The following ECHDC3 variants were observed in gnomAD, a reference collection of about 807,000 sequenced individuals.
ECHDC3 encodes enoyl-CoA hydratase domain-containing protein 3, mitochondrial.
In ECHDC3, 20 loss-of-function variants were observed where a neutral mutation model predicts 17.9. The observed-to-expected ratio is 1.12, with a 90% CI of 0.79 to 1.63. The LOEUF is 1.63. ECHDC3 is among the 40% of genes most tolerant of loss of function. The pLI, the probability that ECHDC3 is intolerant of heterozygous loss-of-function variation, is 0.00. For synonymous variants in ECHDC3, 177 were observed against 149.7 expected, an observed-to-expected ratio of 1.18 and a Z score of -1.33; for missense variants, 407 against 357.7, an observed-to-expected ratio of 1.14 and a Z score of -1.11.
chr10:11,747,539 T>C (rs1211826790), intron 2 of ECHDC3, 69 bp downstream of exon 2: 1 of 1,553,350 alleles, frequency 6.4e-7, no homozygotes, highest in Non-Finnish European at 8.7e-7. Flanking sequence ...TTTAGTAAAC[T>C]GGGGCATCCC....
At chr10:11,761,334 C>T (rs145637903) in intron 4 of ECHDC3, among the ~76,000 whole-genome samples, 1 of 152,292 alleles carries the variant, frequency 6.6e-6, no homozygotes, top group Non-Finnish European at 1.5e-5. Context: ...AAGGATGCTG[C>T]AGAACATCCT....
Position 11,763,515 on chromosome 10 carries a change from A to C in ECHDC3, c.883A>C (p.Lys295Gln). Reference sequence around the variant, plus strand: ...CATCACGGCCTTCCTCCAGAAGAGAAAACCTGTCTGGTCACACGAGCCAGT... The same window carrying C: ...CATCACGGCCTTCCTCCAGAAGAGACAACCTGTCTGGTCACACGAGCCAGT... The part of the protein sequence containing the change: ...EGITAFLQKR[K>Q]PVWSHEPV The change falls in exon 5 of 5, where the codon AAA (lysine) becomes CAA (glutamine). Residue 295 changes from lysine to glutamine, a missense_variant. Lys to Gln is a moderately conservative substitution (Grantham distance 53). Transcript: ENST00000379215. The surrounding 1 kb of genome is among the most constrained non-coding windows in gnomAD (Gnocchi z 4.9). 6.9e-7 allele frequency: 1 copy of C among 1,442,600 alleles called. No individual in the cohort carries two copies. 89.4% of individuals were successfully genotyped at this position (1,442,600 alleles called of 1,614,324 possible).
chr10:11,745,290 A>T (rs1029253738), intron 1 of ECHDC3, among the ~76,000 whole-genome samples: 2 of 152,154 alleles, frequency 1.3e-5, no homozygotes, highest in Non-Finnish European at 2.9e-5. Context: ...CGGGGGCTGG[A>T]ATCTTTTTAT....
At chr10:11,744,245 T>C (rs1832730753) in intron 1 of ECHDC3, among the ~76,000 whole-genome samples, 1 of 152,192 alleles carries the variant, frequency 6.6e-6, no homozygotes, top group South Asian at 2.1e-4. Context: ...GGCCAGTAGG[T>C]CTCACCAGGG....
At position 11,763,755 on chromosome 10, in the gene ECHDC3, C is replaced by G; in HGVS notation, c.*211C>G. 1.5e-6 allele frequency: 2 copies of G among 1,362,106 alleles called. No homozygotes were observed. The highest frequency in any genetic ancestry group is 3.5e-5 in the South Asian group (2 of 57,836). The allele number at this position is 1,362,106 out of a possible 1,614,324, so 84.4% of individuals were successfully genotyped here. On this transcript the variant is annotated 3_prime_UTR_variant, in exon 5 of 5. Coordinates refer to ENST00000379215, the MANE Select transcript of ECHDC3 (RefSeq NM_024693.5). The surrounding 1 kb of genome is among the most constrained non-coding windows in gnomAD (Gnocchi z 4.9). ...CTGAGGTGCTGACCTCAGTGCAAGGCTGGTGAACCCTGCAGCGGGCCAGCT... is the reference window on the plus strand; with the variant it reads ...CTGAGGTGCTGACCTCAGTGCAAGGGTGGTGAACCCTGCAGCGGGCCAGCT...
chr10:11,747,482 A>G lies in ECHDC3; in HGVS notation c.292+12A>G. On this transcript the variant is annotated intron_variant, in intron 2 of 4. Transcript: ENST00000379215. ...CATTATCATCTCGGGTATGTATCTGATATCTGTCCTTAGTATTCTGCAGTG... is the reference window on the plus strand; with the variant it reads ...CATTATCATCTCGGGTATGTATCTGGTATCTGTCCTTAGTATTCTGCAGTG... 1 of 1,613,094 alleles carries G rather than the reference A, an allele frequency of 6.2e-7. No homozygotes were observed. Among genetic ancestry groups the G allele is most frequent in the South Asian group, 1.1e-5 (1 of 91,042 alleles).
intron 1 of ECHDC3, among the ~76,000 whole-genome samples, chr10:11,746,946 A>G (rs1057313072): frequency 6.6e-6 from 1 of 152,156 alleles, no homozygotes; most frequent in African/African-American, 2.4e-5. Flanking sequence ...CTAAGGAACA[A>G]TGGAAAGAAA....
At chr10:11,756,987 G>A (rs183013592) in intron 4 of ECHDC3, among the ~76,000 whole-genome samples, 66 of 152,220 alleles carry the variant, frequency 4.3e-4, no homozygotes, top group African/African-American at 1.5e-3. Context: ...CGTCCCCCTC[G>A]GCCTCCCAAA....
chr10:11,748,496 A>C (rs11257303), intron 2 of ECHDC3, among the ~76,000 whole-genome samples: 141,926 of 152,070 alleles, frequency 0.93, 67,076 homozygotes, highest in East Asian at 1. Flanking sequence ...GCTAATTTTT[A>C]AGGTTTTATT....
At position 11,763,660 on chromosome 10, in the gene ECHDC3, A is replaced by G; in HGVS notation, c.*116A>G. The G allele has an allele frequency of 7.0e-7, 1 of 1,433,198 alleles. No individual in the cohort carries two copies. The highest frequency in any genetic ancestry group is 9.1e-7 in the Non-Finnish European group (1 of 1,098,080). 88.8% of individuals were successfully genotyped at this position (1,433,198 alleles called of 1,614,324 possible). On this transcript the variant is annotated 3_prime_UTR_variant, in exon 5 of 5. Transcript: ENST00000379215. This position sits in a 1 kb window ranked among gnomAD's most constrained non-coding sequence, Gnocchi z 4.9. ...TGACAGGCTGCTTTCGTGACTTGAT[A>G]TTGGTGTCATAGCATTTGGCCTACA...
intron 4 of ECHDC3, among the ~76,000 whole-genome samples, chr10:11,759,375 A>AC (rs1832920088): frequency 4.7e-5 from 4 of 84,308 alleles, no homozygotes; most frequent in Admixed American, 1.3e-4. Context: ...AAAAAACAAA[A>AC]AAAAAAAACA....
chr10:11,757,871 A>C (rs1030071325), intron 4 of ECHDC3, among the ~76,000 whole-genome samples: 5 of 152,200 alleles, frequency 3.3e-5, no homozygotes, highest in African/African-American at 1.2e-4. Flanking sequence ...GCTGGGATTC[A>C]TAACAATCTA....
chr10:11,760,438 C>A (rs1422183704), intron 4 of ECHDC3, among the ~76,000 whole-genome samples: 1 of 152,256 alleles, frequency 6.6e-6, no homozygotes, highest in Non-Finnish European at 1.5e-5. Flanking sequence ...TGCCCATCTG[C>A]TGAGCCGGCC....
In ECHDC3 at chr10:11,760,536, T is replaced by G. The variant is rs1217576251; in HGVS notation, c.592-2688T>G. Reference sequence around the variant, plus strand: ...AACGACTCTGAGAGTCATCTAGGACTTGATCATTGCAAGTGACAAAGGGAT... The same window carrying G: ...AACGACTCTGAGAGTCATCTAGGACGTGATCATTGCAAGTGACAAAGGGAT... On this transcript the variant is annotated intron_variant, in intron 4 of 4. Transcript: ENST00000379215. Among the ~76,000 whole-genome samples the G allele has an allele frequency of 2.0e-5, 3 of 152,378 alleles. No homozygotes were observed. The East Asian group carries it at 5.8e-4, about 29-fold the overall frequency.
intron 1 of ECHDC3, among the ~76,000 whole-genome samples, chr10:11,746,180 T>C (rs1488358655): frequency 2.0e-5 from 3 of 151,786 alleles, no homozygotes; most frequent in Non-Finnish European, 2.9e-5. Context: ...ATACAAAAAT[T>C]AGCTGGGTGT....
intron 3 of ECHDC3, among the ~76,000 whole-genome samples, chr10:11,752,603 T>C (rs1832838881): frequency 6.6e-6 from 1 of 152,172 alleles, no homozygotes. Context: ...TAATCATATA[T>C]AGATGAGATT....
rs1342347348 is a variant in ECHDC3 at position 11,763,039 on chromosome 10, G to A, written c.592-185G>A. ...GGACAGCCACTGCTCCCCTGGGCCTGGTGTGGTTTCTTCGCTCTTGGAAAG... is the reference window on the plus strand; with the variant it reads ...GGACAGCCACTGCTCCCCTGGGCCTAGTGTGGTTTCTTCGCTCTTGGAAAG... On this transcript the variant is annotated intron_variant, in intron 4 of 4. Transcript: ENST00000379215. The surrounding 1 kb of genome is among the most constrained non-coding windows in gnomAD (Gnocchi z 4.9). Among the ~76,000 whole-genome samples, 1 of 152,148 alleles carries A rather than the reference G, an allele frequency of 6.6e-6. No individual in the cohort carries two copies. The highest frequency in any genetic ancestry group is 1.5e-5 in the Non-Finnish European group (1 of 68,036).
intron 3 of ECHDC3, 145 bp from the exon 4 acceptor site, chr10:11,755,263 T>G (rs1588464515): frequency 1.5e-6 from 1 of 673,472 alleles, no homozygotes; most frequent in Non-Finnish European, 2.4e-6. Flanking sequence ...GAGGAAGAGG[T>G]TGCAGTGAGC....
chr10:11,747,291 G>A (rs4750089), intron 1 of ECHDC3, 58 bp from the exon 2 acceptor site: 2 of 1,591,904 alleles, frequency 1.3e-6, no homozygotes, highest in Admixed American at 1.8e-5. Flanking sequence ...GGAATCGCAG[G>A]GGTCCTCACT....
Sources: allele counts gnomAD v4.1 joint callset (sites outside exome capture counted in the v4.1 genomes callset), GRCh38; gene constraint gnomAD v4.1.1; non-coding constraint Gnocchi (gnomAD v3.1); transcripts MANE v1.5; gene names NCBI Gene and HGNC (gene_info 2026-07-23, HGNC 2026-07-21).